Variants in FANK1 observed in about 807,000 individuals in gnomAD.
The protein encoded by FANK1 is fibronectin type 3 and ankyrin repeat domains protein 1.
FANK1 carries 44 observed loss-of-function variants against 45.3 expected under a neutral mutation model. The ratio of observed to expected loss-of-function variants is 0.97; its 90% CI spans 0.76 to 1.25. The LOEUF (loss-of-function observed/expected upper bound fraction) is 1.25. FANK1 is among the 50% of genes most tolerant of loss of function. The probability of loss-of-function intolerance (pLI) is 0.00; values close to 1 mark genes in which losing one functional copy is unlikely to be tolerated. For synonymous variants in FANK1, 149 were observed against 152.5 expected (o/e 0.98, Z 0.17); for missense variants, 391 against 424.4 (o/e 0.92, Z 0.69).
intron 1 of FANK1, among the ~76,000 whole-genome samples, chr10:125,963,653 A>G (rs1950050764): frequency 6.6e-6 from 1 of 152,170 alleles, no homozygotes; most frequent in South Asian, 2.1e-4. Context: ...ACAAAAAACC[A>G]AACACCACAT....
At chr10:125,947,794 A>T (rs1366255919) in intron 1 of FANK1, among the ~76,000 whole-genome samples, 2 of 129,474 alleles carry the variant, frequency 1.5e-5, no homozygotes, top group East Asian at 5.3e-4. Flanking sequence ...TCTCCACCCC[A>T]AATCAACAGA....
chr10:125,952,796 TACATACACACACACAC>T (rs1323875170), intron 1 of FANK1, among the ~76,000 whole-genome samples: 5 of 101,006 alleles, frequency 5.0e-5, no homozygotes, highest in Middle Eastern at 6.7e-3. Context: ...CAGCAGGAAA[TACATACACACACACAC>T]ACACACACAC....
intron 6 of FANK1, among the ~76,000 whole-genome samples, chr10:126,001,706 C>G (rs1268948866): frequency 6.6e-6 from 1 of 152,036 alleles, no homozygotes; most frequent in Non-Finnish European, 1.5e-5. Flanking sequence ...AGCTGCTTGG[C>G]CCTTGGAGGA....
rs1953421152 is a variant in FANK1, at chr10:126,008,637, A to G, written c.849+87A>G. The G allele has an allele frequency of 2.0e-6, 3 of 1,466,824 alleles. No individual in the cohort carries two copies. The African/African-American group carries it at 4.2e-5, about 21-fold the overall frequency. The allele number at this position is 1,466,824 out of a possible 1,614,324, so 90.9% of individuals were successfully genotyped here. Reference sequence around the variant, plus strand: ...GTAATTAGACAATTCTTGTGAGTTCAGCCCTGCACCAGCCCTTGGGTTTGA... The same window carrying G: ...GTAATTAGACAATTCTTGTGAGTTCGGCCCTGCACCAGCCCTTGGGTTTGA... On this transcript the variant is annotated intron_variant, in intron 8 of 10. Transcript: ENST00000368693.
intron 4 of FANK1, among the ~76,000 whole-genome samples, chr10:125,996,209 TCAGC>T (rs1194436074): frequency 2.0e-5 from 3 of 152,090 alleles, no homozygotes; most frequent in Non-Finnish European, 4.4e-5. Flanking sequence ...GAGCTGAGAG[TCAGC>T]AGTGAAGACA....
chr10:125,998,407 T>C (rs563591397), intron 6 of FANK1, among the ~76,000 whole-genome samples: 1 of 152,334 alleles, frequency 6.6e-6, no homozygotes, highest in African/African-American at 2.4e-5. Context: ...ATTTAAAAAG[T>C]ATTTTTCCAA....
intron 1 of FANK1, among the ~76,000 whole-genome samples, chr10:125,962,857 G>C (rs1383960107): frequency 6.6e-6 from 1 of 151,760 alleles, no homozygotes; most frequent in African/African-American, 2.4e-5. Flanking sequence ...GATTTATAAA[G>C]TACAAATATA....
intron 1 of FANK1, among the ~76,000 whole-genome samples, chr10:125,944,741 AG>A (rs1364356669): frequency 6.6e-6 from 1 of 152,240 alleles, no homozygotes; most frequent in Non-Finnish European, 1.5e-5. Flanking sequence ...GCAGTTAACT[AG>A]CCTAACCTAT....
intron 1 of FANK1, among the ~76,000 whole-genome samples, chr10:125,928,106 C>T (rs200521327): frequency 6.6e-6 from 1 of 151,868 alleles, no homozygotes; most frequent in Non-Finnish European, 1.5e-5. Flanking sequence ...GAATTCAGGG[C>T]GAGTCCATAG....
At chr10:125,900,551 G>T (rs1429569337) in intron 1 of FANK1, among the ~76,000 whole-genome samples, 1 of 152,052 alleles carries the variant, frequency 6.6e-6, no homozygotes, top group Non-Finnish European at 1.5e-5. Flanking sequence ...GGTGCTACCT[G>T]TTCTGTAAGC....
In FANK1 at chr10:125,978,315, A is replaced by T. The variant is rs543899744; in HGVS notation, c.14-1846A>T. Among the ~76,000 whole-genome samples the T allele has an allele frequency of 3.3e-4, 43 of 131,160 alleles. No homozygotes were observed. The East Asian group carries it at 6.8e-3, about 21-fold the overall frequency. The allele number at this position is 131,160 out of a possible 152,430, so 86.0% of individuals were successfully genotyped here. ...GTGAGGAGGAACGGGATTGGGACCC[A>T]CTTAAAAAAGTGGCCACATTTTGGG... is the stretch of plus-strand genomic sequence containing the variant. On this transcript the variant is annotated intron_variant, in intron 1 of 10. Transcript: ENST00000368693.
intron 7 of FANK1, among the ~76,000 whole-genome samples, chr10:126,005,969 A>G (rs1305241046): frequency 1.3e-5 from 2 of 152,262 alleles, no homozygotes; most frequent in Non-Finnish European, 2.9e-5. Flanking sequence ...TTGGACGTCT[A>G]TAGATATTTG....
At chr10:126,008,943 T>C in intron 8 of FANK1, 111 bp from the exon 9 acceptor site, 1 of 965,524 alleles carries the variant, frequency 1.0e-6, no homozygotes, top group South Asian at 1.5e-5. Flanking sequence ...AGTGGTCTTT[T>C]GGGGTTGCAG....
At chr10:125,958,158 C>T (rs1348667630) in intron 1 of FANK1, among the ~76,000 whole-genome samples, 1 of 152,136 alleles carries the variant, frequency 6.6e-6, no homozygotes, top group Admixed American at 6.5e-5. Context: ...TCCTATCTAG[C>T]TGTAATTTTG....
At chr10:125,933,696 C>T (rs1231567968) in intron 1 of FANK1, among the ~76,000 whole-genome samples, 1 of 152,040 alleles carries the variant, frequency 6.6e-6, no homozygotes, top group African/African-American at 2.4e-5. Flanking sequence ...TTGTTCTTGG[C>T]TCTCTAGTTC....
chr10:125,969,081 T>G (rs1950338847), intron 1 of FANK1, among the ~76,000 whole-genome samples: 1 of 152,212 alleles, frequency 6.6e-6, no homozygotes, highest in African/African-American at 2.4e-5. Context: ...AGGTACTTCT[T>G]GTAGTTTTAC....
rs112403014 is a variant in FANK1 at position 125,987,630 on chromosome 10, G to A, written c.192-921G>A. 4.9e-3 allele frequency among the ~76,000 whole-genome samples: 743 copies of A among 152,144 alleles called. 7 individuals are homozygous for A. Among genetic ancestry groups the A allele is most frequent in the African/African-American group, 0.016 (676 of 41,496 alleles). The stretch of plus-strand genomic sequence containing the variant: ...GAAAAGGGATACATGGAGTTTAGTC[G>A]GATAAGAAGAAAGAATGTTGGCAGA... On this transcript the variant is annotated intron_variant, in intron 2 of 10. Coordinates refer to ENST00000368693, the MANE Select transcript of FANK1 (RefSeq NM_145235.5).
At chr10:125,961,228 T>G (rs142976301) in intron 1 of FANK1, among the ~76,000 whole-genome samples, 264 of 152,306 alleles carry the variant, frequency 1.7e-3, no homozygotes, top group African/African-American at 6.1e-3. Context: ...TACTTCAGCC[T>G]CCTGAGTAGC....
intron 1 of FANK1, among the ~76,000 whole-genome samples, chr10:125,943,997 G>A (rs1948615555): frequency 6.6e-6 from 1 of 152,216 alleles, no homozygotes; most frequent in Non-Finnish European, 1.5e-5. Context: ...GTTTTTACGT[G>A]ACTGATTGCA....
Sources: gnomAD v4.1 joint callset for allele counts (sites outside exome capture counted in the v4.1 genomes callset) on GRCh38, gnomAD v4.1.1 for gene constraint, MANE v1.5 for transcripts, NCBI Gene and HGNC (gene_info 2026-07-23, HGNC 2026-07-21) for gene names.